The following RNF130 variants were observed in gnomAD, a reference collection of about 807,000 sequenced individuals.
RNF130 encodes ring finger protein 130, also known as E3 ubiquitin-protein ligase RNF130.
In RNF130, 21 loss-of-function variants were observed where a neutral mutation model predicts 44.6. That is an observed-to-expected ratio of 0.47 (90% confidence interval 0.33 to 0.68). The LOEUF (loss-of-function observed/expected upper bound fraction) is 0.68, where lower values mean the gene tolerates loss of function less well. RNF130 is among the 30% of genes least tolerant of loss of function. The pLI is 0.02. For missense variants in RNF130, 479 were observed against 560.6 expected (o/e 0.85, Z 1.47); for synonymous variants, 214 against 210.4 (o/e 1.02, Z -0.15).
At chr5:179,922,437 T>C (rs55965907) in intron 7 of RNF130, among the ~76,000 whole-genome samples, 1 of 152,146 alleles carries the variant, frequency 6.6e-6, no homozygotes, top group South Asian at 2.1e-4. Context: ...CTCAGCCTCC[T>C]AAGTAGCTGA....
In RNF130 at chr5:179,969,045, C is replaced by T. The variant is rs192554860; in HGVS notation, c.945+1365G>A. The stretch of plus-strand genomic sequence containing the variant: ...CAGTATATTTAAAATAAGATGACTT[C>T]GATCTCCTTTGGGTTGCAAGCTAAA... On this transcript the variant is annotated intron_variant, in intron 6 of 8. Coordinates refer to ENST00000521389, the MANE Select transcript of RNF130 (RefSeq NM_018434.6). Among the ~76,000 whole-genome samples the T allele has an allele frequency of 5.9e-5, 9 of 152,328 alleles. No homozygotes were observed. In the East Asian group the frequency reaches 1.4e-3, roughly 23 times the overall value.
chr5:179,949,800 G>A (rs1467157905), intron 7 of RNF130, among the ~76,000 whole-genome samples: 2 of 152,194 alleles, frequency 1.3e-5, no homozygotes, highest in Non-Finnish European at 2.9e-5. Context: ...TTTCAGAAAT[G>A]CTGTAAATAA....
chr5:180,045,992 C>A lies in RNF130; in HGVS notation c.248-5345G>T, dbSNP rs541789986. ...CTGGGCGGTGGATGGGACCGAGCCCCGTGGAGCAGGGGGCAGCGCTCGCCG... is the reference window on the plus strand; with the variant it reads ...CTGGGCGGTGGATGGGACCGAGCCCAGTGGAGCAGGGGGCAGCGCTCGCCG... On this transcript the variant is annotated intron_variant, in intron 1 of 8. Coordinates refer to ENST00000521389, the MANE Select transcript of RNF130 (RefSeq NM_018434.6). Among the ~76,000 whole-genome samples the A allele has an allele frequency of 8.5e-5, 13 of 152,312 alleles. No homozygotes were observed. The South Asian group carries it at 2.7e-3, about 32-fold the overall frequency.
chr5:179,991,633 C>A (rs1463052144), intron 3 of RNF130, among the ~76,000 whole-genome samples: 1 of 152,116 alleles, frequency 6.6e-6, no homozygotes, highest in African/African-American at 2.4e-5. Flanking sequence ...AGATCAGTGG[C>A]CCCCAACCTT....
chr5:180,033,041 T>C (rs1365044930), intron 2 of RNF130, among the ~76,000 whole-genome samples: 1 of 152,130 alleles, frequency 6.6e-6, no homozygotes, highest in African/African-American at 2.4e-5. Flanking sequence ...CAGCACCATC[T>C]GGGCTCACCA....
chr5:179,948,543 C>T (rs111532634), intron 7 of RNF130, among the ~76,000 whole-genome samples: 4 of 152,104 alleles, frequency 2.6e-5, no homozygotes, highest in East Asian at 3.9e-4. Context: ...TGGTGGCAGG[C>T]GCCTGTAATC....
chr5:180,070,099 G>A (rs1007701562), intron 1 of RNF130, among the ~76,000 whole-genome samples: 5 of 152,064 alleles, frequency 3.3e-5, no homozygotes, highest in East Asian at 3.8e-4. Context: ...ACCCTTCCAC[G>A]TGACCCTCAC....
At chr5:180,017,107 T>C (rs1401213779) in intron 2 of RNF130, among the ~76,000 whole-genome samples, 1 of 152,224 alleles carries the variant, frequency 6.6e-6, no homozygotes, top group African/African-American at 2.4e-5. Flanking sequence ...TGATCTAGAA[T>C]AGTTCCTCAG....
At chr5:179,990,371 A>G (rs1437833893) in intron 3 of RNF130, among the ~76,000 whole-genome samples, 1 of 152,204 alleles carries the variant, frequency 6.6e-6, no homozygotes, top group Non-Finnish European at 1.5e-5. Flanking sequence ...CAGAAAGATC[A>G]AAGACTTTAA....
At chr5:179,962,314 A>G (rs1762350716) in intron 8 of RNF130, among the ~76,000 whole-genome samples, 2 of 152,216 alleles carry the variant, frequency 1.3e-5, no homozygotes, top group African/African-American at 4.8e-5. Context: ...GTTAGATTGA[A>G]TAACACATGC....
chr5:180,020,799 G>A (rs1405417689), intron 2 of RNF130, among the ~76,000 whole-genome samples: 2 of 152,222 alleles, frequency 1.3e-5, no homozygotes, highest in South Asian at 2.1e-4. Flanking sequence ...CAGAAGGGGG[G>A]TGGGCACTGA....
intron 1 of RNF130, among the ~76,000 whole-genome samples, chr5:180,051,897 G>A (rs1764695233): frequency 6.6e-6 from 1 of 152,192 alleles, no homozygotes; most frequent in Non-Finnish European, 1.5e-5. Flanking sequence ...CATGCAAGAT[G>A]CTACAGATCT....
intron 7 of RNF130, among the ~76,000 whole-genome samples, chr5:179,936,184 C>T (rs535692600): frequency 6.4e-4 from 98 of 152,238 alleles, no homozygotes; most frequent in Non-Finnish European, 1.2e-3. Context: ...TGCAGAGGCA[C>T]GATCATGGCT....
intron 7 of RNF130, among the ~76,000 whole-genome samples, chr5:179,922,351 T>G (rs981390252): frequency 6.6e-6 from 1 of 152,066 alleles, no homozygotes; most frequent in African/African-American, 2.4e-5. Context: ...CTTGCCCTGT[T>G]GCCCAGGCTG....
chr5:179,929,976 C>T (rs1285465072), intron 7 of RNF130, among the ~76,000 whole-genome samples: 1 of 152,158 alleles, frequency 6.6e-6, no homozygotes, highest in African/African-American at 2.4e-5. Flanking sequence ...CGTATCTTCT[C>T]TTACATATAT....
intron 1 of RNF130, among the ~76,000 whole-genome samples, chr5:180,065,602 T>C (rs1466518655): frequency 6.6e-6 from 1 of 151,988 alleles, no homozygotes; most frequent in Non-Finnish European, 1.5e-5. Flanking sequence ...CTACTAAAAC[T>C]ACAAAAAATT....
chr5:180,052,680 A>G (rs1442867404), intron 1 of RNF130, among the ~76,000 whole-genome samples: 1 of 152,232 alleles, frequency 6.6e-6, no homozygotes, highest in Non-Finnish European at 1.5e-5. Context: ...CTAACAGGGA[A>G]GAAGCCATCT....
intron 5 of RNF130, among the ~76,000 whole-genome samples, chr5:179,972,728 T>C (rs1762613662): frequency 6.6e-6 from 1 of 152,174 alleles, no homozygotes; most frequent in African/African-American, 2.4e-5. Context: ...TTCTTATTGT[T>C]CCGTCTTTCT....
chr5:180,068,599 T>A (rs1189463342), intron 1 of RNF130, among the ~76,000 whole-genome samples: 1 of 152,240 alleles, frequency 6.6e-6, no homozygotes, highest in East Asian at 1.9e-4. Context: ...ATTTGCTCTT[T>A]AAAGGGATAG....
Sources: gnomAD v4.1 joint callset for allele counts (sites outside exome capture counted in the v4.1 genomes callset) on GRCh38, gnomAD v4.1.1 for gene constraint, MANE v1.5 for transcripts, NCBI Gene and HGNC (gene_info 2026-07-23, HGNC 2026-07-21) for gene names.